Variants in RPH3AL observed in about 807,000 individuals in gnomAD.
RPH3AL encodes the protein rab effector Noc2.
In RPH3AL, 38 loss-of-function variants were observed where a neutral mutation model predicts 43.1. That is an observed-to-expected ratio of 0.88 (90% confidence interval 0.68 to 1.15). RPH3AL has a LOEUF of 1.15. Ranked by LOEUF, RPH3AL falls within the 50% of genes most tolerant of loss-of-function variation. The probability of loss-of-function intolerance (pLI) is 0.00; values close to 1 mark genes in which losing one functional copy is unlikely to be tolerated. For synonymous variants in RPH3AL, 189 were observed against 176.3 expected (o/e 1.07, Z -0.57); for missense variants, 462 against 423.2 (o/e 1.09, Z -0.81).
In RPH3AL at chr17:274,358, G is replaced by A. The variant is rs1390041090; in HGVS notation, c.438+7410C>T. ...CACCTGGGCCTCGCCTGCCTGGCTGGAGTAGGGGCAGCAGCTGAAGCCGCC... is the reference window on the plus strand; with the variant it reads ...CACCTGGGCCTCGCCTGCCTGGCTGAAGTAGGGGCAGCAGCTGAAGCCGCC... On this transcript the variant is annotated intron_variant, in intron 6 of 9. Transcript: ENST00000331302. The surrounding 1 kb of genome is among the most constrained non-coding windows in gnomAD (Gnocchi z 4.7). 1.3e-5 allele frequency among the ~76,000 whole-genome samples: 2 copies of A among 152,234 alleles called. No homozygotes were observed. The highest frequency in any genetic ancestry group is 2.9e-5 in the Non-Finnish European group (2 of 68,026).
chr17:233,569 C>A (rs948776326), intron 7 of RPH3AL, among the ~76,000 whole-genome samples: 2 of 152,152 alleles, frequency 1.3e-5, no homozygotes, highest in Non-Finnish European at 2.9e-5. Flanking sequence ...CCTGGTCATG[C>A]CCCTGCCTCC....
chr17:319,457 A>G lies in RPH3AL; in HGVS notation c.314T>C (p.Leu105Pro). Residue 105 changes from leucine (L) to proline (P), a missense_variant, in exon 5 of 10, where the codon CTG (leucine) becomes CCG (proline). Transcript: ENST00000331302. ...TTTGCAGAACACCGACGAGCTGCCC[A>G]GGAAGCCCAGCACCTCCCCGCAGAG... ...CLLCGEVLGFLGSSSVFCKDC... is the reference protein window; with the variant it reads ...CLLCGEVLGFPGSSSVFCKDC... 6.2e-7 allele frequency: 1 copy of G among 1,612,688 alleles called. No individual in the cohort carries two copies. Among genetic ancestry groups the G allele is most frequent in the Non-Finnish European group, 8.5e-7 (1 of 1,179,918 alleles).
intron 6 of RPH3AL, among the ~76,000 whole-genome samples, chr17:263,051 C>T (rs2042237573): frequency 6.6e-6 from 1 of 152,208 alleles, no homozygotes; most frequent in African/African-American, 2.4e-5. Context: ...CTGCCACGTG[C>T]ATGAAGACCT....
intron 1 of RPH3AL, among the ~76,000 whole-genome samples, chr17:336,791 C>G (rs2044967841): frequency 6.6e-6 from 1 of 152,190 alleles, no homozygotes; most frequent in Non-Finnish European, 1.5e-5. Flanking sequence ...GGTGCTCCAG[C>G]CACCAGGACC....
chr17:273,077 G>A (rs879149969), intron 6 of RPH3AL, among the ~76,000 whole-genome samples: 1 of 143,092 alleles, frequency 7.0e-6, no homozygotes, highest in African/African-American at 2.5e-5. Context: ...GCGACGTCAG[G>A]GAGAGACCCC....
chr17:343,209 G>T (rs2045162585), intron 1 of RPH3AL, among the ~76,000 whole-genome samples: 5 of 152,200 alleles, frequency 3.3e-5, no homozygotes, highest in Admixed American at 3.3e-4. Context: ...AGGTGACATG[G>T]CTGCCTCAGG....
At chr17:272,295 C>T (rs2042484249) in intron 6 of RPH3AL, among the ~76,000 whole-genome samples, 1 of 152,040 alleles carries the variant, frequency 6.6e-6, no homozygotes, top group African/African-American at 2.4e-5. Context: ...GCTATAAAGA[C>T]ACATGCACAC....
intron 5 of RPH3AL, among the ~76,000 whole-genome samples, chr17:315,234 T>TTGACCTGTAATCCCTGTGACTCCACCTC: frequency 1.0e-3 from 1 of 964 alleles, no homozygotes; most frequent in East Asian, 0.045. Flanking sequence ...GCCCCCACCT[T>TTGACCTGTAATCCCTGTGACTCCACCTC]CATTCACCTG....
intron 1 of RPH3AL, among the ~76,000 whole-genome samples, chr17:334,472 G>T (rs1466389522): frequency 6.7e-6 from 1 of 150,286 alleles, no homozygotes; most frequent in African/African-American, 2.5e-5. Flanking sequence ...CCTTCTCCGA[G>T]GGCCAGCCCA....
chr17:250,553 G>T (rs2041875887), intron 6 of RPH3AL, among the ~76,000 whole-genome samples: 1 of 143,528 alleles, frequency 7.0e-6, no homozygotes, highest in Non-Finnish European at 1.5e-5. Context: ...CATCGCTGTG[G>T]GACTTCTCAG....
At chr17:327,877 C>T (rs773829814) in intron 2 of RPH3AL, among the ~76,000 whole-genome samples, 1 of 152,174 alleles carries the variant, frequency 6.6e-6, no homozygotes, top group South Asian at 2.1e-4. Context: ...AGGAGGCTCA[C>T]CCTTAGCAGT....
At chr17:316,786 C>G (rs2044236768) in intron 5 of RPH3AL, among the ~76,000 whole-genome samples, 1 of 126,338 alleles carries the variant, frequency 7.9e-6, no homozygotes, top group Admixed American at 7.3e-5. Flanking sequence ...GTGCCCCCAC[C>G]TCCATTGACC....
chr17:262,315 T>A (rs1363524981), intron 6 of RPH3AL, among the ~76,000 whole-genome samples: 2 of 151,930 alleles, frequency 1.3e-5, no homozygotes, highest in Admixed American at 1.3e-4. Flanking sequence ...GCCTCCCGGG[T>A]TCAAGCAATT....
At chr17:227,815 A>G (rs577721635) in intron 7 of RPH3AL, among the ~76,000 whole-genome samples, 1 of 152,180 alleles carries the variant, frequency 6.6e-6, no homozygotes, top group African/African-American at 2.4e-5. Flanking sequence ...AGGAAGAGAG[A>G]TATTTTCAGC....
rs1555539385 is a variant in RPH3AL at position 245,250 on chromosome 17, T to C, written c.613+1861A>G. On this transcript the variant is annotated intron_variant, in intron 7 of 9. Coordinates refer to ENST00000331302, the MANE Select transcript of RPH3AL (RefSeq NM_006987.4). The surrounding 1 kb of genome is among the most constrained non-coding windows in gnomAD (Gnocchi z 5.9). The stretch of plus-strand genomic sequence containing the variant: ...GTGTGTGTGCGTGTGGATGAGAGCA[T>C]GTGTGTGTGCACGTGGATGTCAGTG... Among the ~76,000 whole-genome samples the C allele has an allele frequency of 6.6e-6, 1 of 151,364 alleles. No homozygotes were observed. Among genetic ancestry groups the C allele is most frequent in the Non-Finnish European group, 1.5e-5 (1 of 67,824 alleles).
At position 268,630 on chromosome 17, in the gene RPH3AL, G is replaced by A. The variant is rs532727291; in HGVS notation, c.438+13138C>T. Among the ~76,000 whole-genome samples, 106 of 126,880 alleles carry A rather than the reference G, an allele frequency of 8.4e-4. 1 individual carries two copies. Among genetic ancestry groups the A allele is most frequent in the Admixed American group, 3.5e-3 (33 of 9,510 alleles). The allele number at this position is 126,880 out of a possible 152,430, so 83.2% of individuals were successfully genotyped here. On this transcript the variant is annotated intron_variant, in intron 6 of 9. Transcript: ENST00000331302. ...GGCTGAAGTACTGTGGCACCATCTC[G>A]GCTCACTGCAGCCTCCGCCTCCCAG...
Position 247,229 on chromosome 17 carries a change from G to T in RPH3AL, c.495C>A (p.Pro165=), listed in dbSNP as rs1555540467. The T allele has an allele frequency of 6.2e-7, 1 of 1,612,556 alleles. No individual in the cohort carries two copies. Among genetic ancestry groups the T allele is most frequent in the African/African-American group, 1.3e-5 (1 of 74,982 alleles). The part of the protein sequence containing the change: ...FYKGLPKYIL[P]LKTPGRADDP... ...CATCAGCTCGGCCAGGGGTCTTCAG[G>T]GGCAAGATATACTTGGGGAGCCCTT... is the stretch of plus-strand genomic sequence containing the variant. The change falls in exon 7 of 10, where the codon CCC becomes CCA. Residue 165 remains proline (P), a synonymous_variant. Coordinates refer to ENST00000331302, the MANE Select transcript of RPH3AL (RefSeq NM_006987.4).
At chr17:350,543 G>A (rs899332698) in intron 1 of RPH3AL, among the ~76,000 whole-genome samples, 5 of 152,016 alleles carry the variant, frequency 3.3e-5, no homozygotes, top group Non-Finnish European at 5.9e-5. Flanking sequence ...CCGAGGAGGC[G>A]GAGGTTGCAG....
At chr17:315,330 C>G (rs866168737) in intron 5 of RPH3AL, among the ~76,000 whole-genome samples, 3 of 77,188 alleles carry the variant, frequency 3.9e-5, no homozygotes, top group Non-Finnish European at 7.7e-5. Context: ...CCCACCTCCA[C>G]TGACCTGTAG....
Sources: gnomAD v4.1 joint callset for allele counts (sites outside exome capture counted in the v4.1 genomes callset) on GRCh38, gnomAD v4.1.1 for gene constraint, Gnocchi (gnomAD v3.1) non-coding constraint, MANE v1.5 for transcripts, NCBI Gene and HGNC (gene_info 2026-07-23, HGNC 2026-07-21) for gene names.